CEMP1: variants seen among roughly 807,000 people sequenced by gnomAD.
The protein encoded by CEMP1 is cementum protein 1, also known as cementoblastoma-derived protein 1.
For synonymous variants in CEMP1, 161 were observed against 128.6 expected (o/e 1.25, Z -1.71); for missense variants, 387 against 316.9 (o/e 1.22, Z -1.68).
rs778787903 is a variant in CEMP1, at chr16:2,530,930, G to T, written c.144C>A (p.Gly48=). 9 of 1,613,256 alleles carry T rather than the reference G, an allele frequency of 5.6e-6. No homozygotes were observed. The highest frequency in any genetic ancestry group is 4.0e-5 in the African/African-American group (3 of 74,906). The change falls in exon 1 of 1, where the codon GGC becomes GGA. Residue 48 remains glycine, a synonymous_variant. Coordinates refer to ENST00000567119, the MANE Select transcript of CEMP1 (RefSeq NM_001048212.3). The part of the protein sequence containing the change: ...TAPLPGPAQA[G]AGQPLPKGCA... ...ACCCCTTAGGAAGTGGCTGTCCAGCGCCTGCCTGTGCTGGGCCTGGGAGAG... is the reference window on the plus strand; with the variant it reads ...ACCCCTTAGGAAGTGGCTGTCCAGCTCCTGCCTGTGCTGGGCCTGGGAGAG...
Position 2,530,618 on chromosome 16 carries a change from T to G in CEMP1, c.456A>C (p.Arg152Ser), listed in dbSNP as rs1017961808. ...ALQQREENSG[R>S]ARRVPPVPRT... Reference sequence around the variant, plus strand: ...TGGGCACAGGAGGTACGCGCCTGGCTCTGCCACTGTTCTCTTCCCTCTGCT... The same window carrying G: ...TGGGCACAGGAGGTACGCGCCTGGCGCTGCCACTGTTCTCTTCCCTCTGCT... The change falls in exon 1 of 1, where the codon AGA becomes AGC. Residue 152 changes from arginine (R) to serine (S), a missense_variant. Physicochemically the swap from Arg to Ser is moderately radical, Grantham distance 110 (BLOSUM62 -1). Coordinates refer to ENST00000567119, the MANE Select transcript of CEMP1 (RefSeq NM_001048212.3). 3.7e-6 allele frequency: 6 copies of G among 1,614,208 alleles called. No individual in the cohort carries two copies. In the African/African-American group the frequency reaches 8.0e-5, roughly 22 times the overall value.
rs750238685 is a variant in CEMP1 at position 2,531,060 on chromosome 16, C to T, written c.14G>A (p.Ser5Asn). 11 of 1,592,484 alleles carry T rather than the reference C, an allele frequency of 6.9e-6. No individual in the cohort carries two copies. Among genetic ancestry groups the T allele is most frequent in the Non-Finnish European group, 9.4e-6 (11 of 1,165,236 alleles). Residue 5 changes from serine (S) to asparagine (N), a missense_variant, in exon 1 of 1, where the codon AGC becomes AAC. Physicochemically the swap from Ser to Asn is conservative, Grantham distance 46. Coordinates refer to ENST00000567119, the MANE Select transcript of CEMP1 (RefSeq NM_001048212.3). ...GTGCCCAGCTTGCTGGCTGTCAGTG[C>T]TTGATGTGCCCATCCTCAGCTAAAA... MGTS[S>N]TDSQQAGHRR... is the part of the protein sequence containing the mutation.
Position 2,530,336 on chromosome 16 carries a change from C to A in CEMP1, c.738G>T (p.Met246Ile), listed in dbSNP as rs765585284. 4.3e-6 allele frequency: 7 copies of A among 1,614,044 alleles called. No individual in the cohort carries two copies. Among genetic ancestry groups the A allele is most frequent in the Non-Finnish European group, 5.9e-6 (7 of 1,180,028 alleles). Residue 246 changes from methionine to isoleucine, a missense_variant, in exon 1 of 1, where the codon ATG becomes ATT. Transcript: ENST00000567119. Reference protein sequence around the residue: ...GDTEDGRMTLMG With the variant: ...GDTEDGRMTLIG ...AGGCACCAGTGTGCCCTGCTCACCC[C>A]ATTAGTGTCATCCTGCCATCTTCTG... is the stretch of plus-strand genomic sequence containing the variant.
rs371222716 is a variant in CEMP1, at chr16:2,530,663, A to C, written c.411T>G (p.His137Gln). The C allele has an allele frequency of 3.1e-6, 5 of 1,614,044 alleles. No individual in the cohort carries two copies. The highest frequency in any genetic ancestry group is 4.2e-6 in the Non-Finnish European group (5 of 1,180,034). ...QTILSLWTWR[H>Q]FLNWALQQRE... ...TCTGCTGCAAAGCCCAGTTAAGGAA[A>C]TGTCTCCAGGTCCAAAGAGATAGGA... The change falls in exon 1 of 1, where the codon CAT (histidine) becomes CAG (glutamine). Residue 137 changes from histidine (H) to glutamine (Q), a missense_variant. By Grantham distance (24) the His-to-Gln change is conservative. Transcript: ENST00000567119.
Position 2,530,780 on chromosome 16 carries a change from A to C in CEMP1, c.294T>G (p.Cys98Trp), listed in dbSNP as rs1567135159. 6.2e-7 allele frequency: 1 copy of C among 1,613,686 alleles called. No individual in the cohort carries two copies. The highest frequency in any genetic ancestry group is 1.7e-5 in the Admixed American group (1 of 60,014). The change falls in exon 1 of 1, where the codon TGT (cysteine) becomes TGG (tryptophan). Residue 98 changes from cysteine (C) to tryptophan (W), a missense_variant. Cys to Trp is a radical substitution (Grantham distance 215). Transcript: ENST00000567119. ...PGACGLRSTP[C>W]ALPQALPQAR... ...CCTGAGGGAGGGCCTGGGGCAGGGC[A>C]CAAGGGGTTGATCTCAGCCCACAAG...
rs764415933 is a variant in CEMP1 at position 2,530,237 on chromosome 16, A to G, written c.*93T>C. ...TCTGTTTTCTCTTCTCAATAACCCT[A>G]TCTCTTCACACATCCCCAGGCCCAG... On this transcript the variant is annotated 3_prime_UTR_variant, in exon 1 of 1. Transcript: ENST00000567119. 22 of 1,592,740 alleles carry G rather than the reference A, an allele frequency of 1.4e-5. 1 individual carries two copies. The East Asian group carries it at 2.3e-4, about 16-fold the overall frequency.
Position 2,530,183 on chromosome 16 carries a change from T to G in CEMP1, c.*147A>C, listed in dbSNP as rs1381353315. The G allele has an allele frequency of 6.7e-7, 1 of 1,486,688 alleles. No homozygotes were observed. Among genetic ancestry groups the G allele is most frequent in the Non-Finnish European group, 8.9e-7 (1 of 1,117,968 alleles). The allele number at this position is 1,486,688 out of a possible 1,614,324, so 92.1% of individuals were successfully genotyped here. A position where few individuals can be genotyped will look rare whatever the true frequency, so the allele number is the denominator to read the frequency against. On this transcript the variant is annotated 3_prime_UTR_variant, in exon 1 of 1. Transcript: ENST00000567119. ...CCTGTTTTCTGCTCCCTGGACTGCC[T>G]AGCCCTGAGTGCCACGGATGACCAG...
chr16:2,531,106 C>T lies in CEMP1; in HGVS notation c.-33G>A, dbSNP rs551843908. ...TAAAACCCAGAGCTGGCATGTTGGTCATCCCCACCTCAGACGGGACGCCCA... is the reference window on the plus strand; with the variant it reads ...TAAAACCCAGAGCTGGCATGTTGGTTATCCCCACCTCAGACGGGACGCCCA... On this transcript the variant is annotated 5_prime_UTR_variant, in exon 1 of 1. The change abolishes an upstream ATG in the 5' untranslated region. Transcript: ENST00000567119. 8 of 1,545,928 alleles carry T rather than the reference C, an allele frequency of 5.2e-6. No homozygotes were observed. Among genetic ancestry groups the T allele is most frequent in the Non-Finnish European group, 7.0e-6 (8 of 1,135,818 alleles).
At chr16:2,530,364 TC>T in intron 1 of CEMP1, 2 of 1,614,132 alleles carry the variant, frequency 1.2e-6, no homozygotes, top group Non-Finnish European at 1.7e-6. Flanking sequence ...ATCTTCTGTG[TC>T]CCCTTGGCCC....
chr16:2,530,073 G>A lies in CEMP1; in HGVS notation c.*257C>T, dbSNP rs543758844. On this transcript the variant is annotated 3_prime_UTR_variant, in exon 1 of 1. Transcript: ENST00000567119. Reference sequence around the variant, plus strand: ...CTGCTCCTGAGTTGGGGTGTGCAGCGTGGAGCCCACAGCCTGGTTCTGGGC... The same window carrying A: ...CTGCTCCTGAGTTGGGGTGTGCAGCATGGAGCCCACAGCCTGGTTCTGGGC... 1.1e-5 allele frequency: 10 copies of A among 925,896 alleles called. No homozygotes were observed. Among genetic ancestry groups the A allele is most frequent in the Middle Eastern group, 3.4e-4 (1 of 2,932 alleles). The allele number at this position is 925,896 out of a possible 1,614,324, so 57.4% of individuals were successfully genotyped here.
rs767649302 is a variant in CEMP1 at position 2,530,833 on chromosome 16, G to A, written c.241C>T (p.Arg81Cys). 16 of 1,613,676 alleles carry A rather than the reference G, an allele frequency of 9.9e-6. No homozygotes were observed. The highest frequency in any genetic ancestry group is 2.2e-5 in the East Asian group (1 of 44,892). The change falls in exon 1 of 1, where the codon CGC (arginine) becomes TGC (cysteine). Residue 81 changes from arginine to cysteine, a missense_variant. Physicochemically the swap from Arg to Cys is radical, Grantham distance 180. Coordinates refer to ENST00000567119, the MANE Select transcript of CEMP1 (RefSeq NM_001048212.3). The part of the protein sequence containing the change: ...TSQEVRIHIR[R>C]LLSWAAPGAC... The stretch of plus-strand genomic sequence containing the variant: ...CCAGGGGCAGCCCAGGAAAGCAGGC[G>A]ACGGATGTGGATCCTGACCTCCTGA...
rs747363750 is a variant in CEMP1, at chr16:2,531,193, C to T, written c.-120G>A. 41 of 1,301,446 alleles carry T rather than the reference C, an allele frequency of 3.2e-5. No individual in the cohort carries two copies. Among genetic ancestry groups the T allele is most frequent in the Middle Eastern group, 2.8e-4 (1 of 3,590 alleles). 80.6% of individuals were successfully genotyped at this position (1,301,446 alleles called of 1,614,324 possible). On this transcript the variant is annotated 5_prime_UTR_variant, in exon 1 of 1. Coordinates refer to ENST00000567119, the MANE Select transcript of CEMP1 (RefSeq NM_001048212.3). Reference sequence around the variant, plus strand: ...CTGGCCTGCCCCATTCACCGGCCAGCGCCCCACCTCCCTGGCTGGAGGGTC... The same window carrying T: ...CTGGCCTGCCCCATTCACCGGCCAGTGCCCCACCTCCCTGGCTGGAGGGTC...
intron 1 of CEMP1, chr16:2,530,780 A>AC (rs747749604): frequency 5.0e-6 from 8 of 1,613,566 alleles, no homozygotes; most frequent in Non-Finnish European, 6.8e-6. Context: ...GGGGCAGGGC[A>AC]CAAGGGGTTG....
rs568513483 is a variant in CEMP1 at position 2,531,168 on chromosome 16, C to G, written c.-95G>C. On this transcript the variant is annotated 5_prime_UTR_variant, in exon 1 of 1. Transcript: ENST00000567119. ...GTGAGCCCTGGGCCAGCCTTTGGGC[C>G]TGGCCTGCCCCATTCACCGGCCAGC... 6.8e-7 allele frequency: 1 copy of G among 1,465,410 alleles called. No individual in the cohort carries two copies. The highest frequency in any genetic ancestry group is 2.4e-5 in the Admixed American group (1 of 42,314). The allele number at this position is 1,465,410 out of a possible 1,614,324, so 90.8% of individuals were successfully genotyped here.
rs781750391 is a variant in CEMP1, at chr16:2,530,611, G to A, written c.463C>T (p.Arg155Cys). ...GCTGTCCTGGGCACAGGAGGTACGC[G>A]CCTGGCTCTGCCACTGTTCTCTTCC... is the stretch of plus-strand genomic sequence containing the variant. ...QREENSGRARRVPPVPRTAPV... is the reference protein window; with the variant it reads ...QREENSGRARCVPPVPRTAPV... Residue 155 changes from arginine to cysteine, a missense_variant, in exon 1 of 1, where the codon CGC becomes TGC. Physicochemically the swap from Arg to Cys is radical, Grantham distance 180. Transcript: ENST00000567119. 1.3e-5 allele frequency: 21 copies of A among 1,614,040 alleles called. 1 individual carries two copies. In the South Asian group the frequency reaches 1.9e-4, roughly 14 times the overall value.
rs893784153 is a variant in CEMP1, at chr16:2,530,808, C to T, written c.266G>A (p.Gly89Glu). Residue 89 changes from glycine (G) to glutamate (E), a missense_variant, in exon 1 of 1, where the codon GGG (glycine) becomes GAG (glutamate). Coordinates refer to ENST00000567119, the MANE Select transcript of CEMP1 (RefSeq NM_001048212.3). ...IRRLLSWAAP[G>E]ACGLRSTPCA... ...AGGGGTTGATCTCAGCCCACAAGCCCCAGGGGCAGCCCAGGAAAGCAGGCG... is the reference window on the plus strand; with the variant it reads ...AGGGGTTGATCTCAGCCCACAAGCCTCAGGGGCAGCCCAGGAAAGCAGGCG... 10 of 1,613,636 alleles carry T rather than the reference C, an allele frequency of 6.2e-6. No individual in the cohort carries two copies. The East Asian group carries it at 2.0e-4, about 32-fold the overall frequency.
rs770932211 is a variant in CEMP1, at chr16:2,530,227, C to CAATAAA, written c.*102_*103insTTTATT. ...TGACCAGCGTTCTGTTTTCTCTTCT[C>CAATAAA]AATAACCCTATCTCTTCACACATCC... On this transcript the variant is annotated 3_prime_UTR_variant, in exon 1 of 1. Coordinates refer to ENST00000567119, the MANE Select transcript of CEMP1 (RefSeq NM_001048212.3). 3 of 1,571,622 alleles carry CAATAAA rather than the reference C, an allele frequency of 1.9e-6. No homozygotes were observed. In the African/African-American group the frequency reaches 4.0e-5, roughly 21 times the overall value.
In CEMP1 at chr16:2,530,637, C is replaced by T; in HGVS notation, c.437G>A (p.Arg146Lys). The part of the protein sequence containing the change: ...RHFLNWALQQ[R>K]EENSGRARRV... Reference sequence around the variant, plus strand: ...CCTGGCTCTGCCACTGTTCTCTTCCCTCTGCTGCAAAGCCCAGTTAAGGAA... The same window carrying T: ...CCTGGCTCTGCCACTGTTCTCTTCCTTCTGCTGCAAAGCCCAGTTAAGGAA... Residue 146 changes from arginine (R) to lysine (K), a missense_variant, in exon 1 of 1, where the codon AGG becomes AAG. Physicochemically the swap from Arg to Lys is conservative, Grantham distance 26 (BLOSUM62 2). Coordinates refer to ENST00000567119, the MANE Select transcript of CEMP1 (RefSeq NM_001048212.3). 1 of 1,614,214 alleles carries T rather than the reference C, an allele frequency of 6.2e-7. No individual in the cohort carries two copies. Among genetic ancestry groups the T allele is most frequent in the Non-Finnish European group, 8.5e-7 (1 of 1,180,034 alleles).
At position 2,530,929 on chromosome 16, in the gene CEMP1, C is replaced by G. The variant is rs368671860; in HGVS notation, c.145G>C (p.Ala49Pro). ...CACCCCTTAGGAAGTGGCTGTCCAGCGCCTGCCTGTGCTGGGCCTGGGAGA... is the reference window on the plus strand; with the variant it reads ...CACCCCTTAGGAAGTGGCTGTCCAGGGCCTGCCTGTGCTGGGCCTGGGAGA... Reference protein sequence around the residue: ...APLPGPAQAGAGQPLPKGCAA... With the variant: ...APLPGPAQAGPGQPLPKGCAA... The change falls in exon 1 of 1, where the codon GCT (alanine) becomes CCT (proline). Residue 49 changes from alanine (A) to proline (P), a missense_variant. Ala to Pro is a conservative substitution (Grantham distance 27, BLOSUM62 -1). Coordinates refer to ENST00000567119, the MANE Select transcript of CEMP1 (RefSeq NM_001048212.3). 6.2e-7 allele frequency: 1 copy of G among 1,613,408 alleles called. No homozygotes were observed. Among genetic ancestry groups the G allele is most frequent in the South Asian group, 1.1e-5 (1 of 91,084 alleles).
Sources: gnomAD v4.1 joint callset for allele counts on GRCh38, gnomAD v4.1.1 for gene constraint, MANE v1.5 for transcripts, NCBI Gene and HGNC (gene_info 2026-07-23, HGNC 2026-07-21) for gene names.